SCUBE1: variants seen among roughly 807,000 people sequenced by gnomAD.
SCUBE1 encodes the protein signal peptide, CUB domain and EGF like domain containing 1, also known as signal peptide, CUB and EGF-like domain-containing protein 1.
Under a neutral mutation model 124.4 loss-of-function variants are expected in SCUBE1, and 59 were observed. That is an observed-to-expected ratio of 0.47 (90% CI 0.38 to 0.59). The LOEUF (loss-of-function observed/expected upper bound fraction) is 0.59. Ranked by LOEUF, SCUBE1 falls within the 20% of genes least tolerant of loss-of-function variation. The probability of loss-of-function intolerance (pLI) is 0.00; values close to 1 mark genes in which losing one functional copy is unlikely to be tolerated. For synonymous variants in SCUBE1, 545 were observed against 550.9 expected, an observed-to-expected ratio of 0.99 and a Z score of 0.15; for missense variants, 1,150 against 1,371.2, an observed-to-expected ratio of 0.84 and a Z score of 2.55.
chr22:43,304,824 C>T (rs1925906890), intron 3 of SCUBE1, among the ~76,000 whole-genome samples: 2 of 152,168 alleles, frequency 1.3e-5, no homozygotes, highest in Admixed American at 6.5e-5. Context: ...TCCACTCACT[C>T]CAGGTAGGGC....
Position 43,210,574 on chromosome 22 carries a change from T to C in SCUBE1, c.2384-334A>G, listed in dbSNP as rs1181285838. On this transcript the variant is annotated intron_variant, in intron 18 of 21. Transcript: ENST00000360835. The surrounding 1 kb of genome is among the most constrained non-coding windows in gnomAD (Gnocchi z 4.5). ...TGAGAGGGCCTGGAGCCCTGCTCTC[T>C]CTAGAGGCCCTGTCAGTGCCCCTGT... is the stretch of plus-strand genomic sequence containing the variant. Among the ~76,000 whole-genome samples the C allele has an allele frequency of 6.6e-6, 1 of 152,182 alleles. No individual in the cohort carries two copies. The highest frequency in any genetic ancestry group is 1.5e-5 in the Non-Finnish European group (1 of 68,008).
In SCUBE1 at chr22:43,307,487, G is replaced by C. The variant is rs151229448; in HGVS notation, c.349+12450C>G. Among the ~76,000 whole-genome samples, 4 of 152,318 alleles carry C rather than the reference G, an allele frequency of 2.6e-5. No individual in the cohort carries two copies. The South Asian group carries it at 8.3e-4, about 32-fold the overall frequency. On this transcript the variant is annotated intron_variant, in intron 3 of 21. Transcript: ENST00000360835. ...GCAGACAACGACTGCATCCTGCTGG[G>C]ACAAGGAGGACACGGAAAAGAGCTG... is the stretch of plus-strand genomic sequence containing the variant.
chr22:43,310,283 C>T (rs901034097), intron 3 of SCUBE1, among the ~76,000 whole-genome samples: 1 of 152,124 alleles, frequency 6.6e-6, no homozygotes, highest in Non-Finnish European at 1.5e-5. Flanking sequence ...TCCTCCCTCT[C>T]ACTGGGGCTT....
At chr22:43,308,615 C>A (rs988961422) in intron 3 of SCUBE1, among the ~76,000 whole-genome samples, 1 of 152,238 alleles carries the variant, frequency 6.6e-6, no homozygotes, top group Non-Finnish European at 1.5e-5. Context: ...TTTAAAAGGC[C>A]GCGATGGCGC....
Position 43,211,857 on chromosome 22 carries a change from G to A in SCUBE1, c.2221+568C>T, listed in dbSNP as rs577472046. ...TAAATGGGCAAATTCAGAACAGTTT[G>A]TATGTGCAGGGGAGTATCTGGTGAT... On this transcript the variant is annotated intron_variant, in intron 17 of 21. Coordinates refer to ENST00000360835, the MANE Select transcript of SCUBE1 (RefSeq NM_173050.5). This position sits in a 1 kb window ranked among gnomAD's most constrained non-coding sequence, Gnocchi z 4.5. 2.4e-4 allele frequency among the ~76,000 whole-genome samples: 37 copies of A among 152,228 alleles called. No individual in the cohort carries two copies. The highest frequency in any genetic ancestry group is 4.9e-4 in the Non-Finnish European group (33 of 68,008).
chr22:43,341,943 C>A (rs1927330688), intron 1 of SCUBE1, among the ~76,000 whole-genome samples: 1 of 151,916 alleles, frequency 6.6e-6, no homozygotes, highest in African/African-American at 2.4e-5. Context: ...GTGAGGGACC[C>A]CAAAGCTTGG....
At chr22:43,341,968 G>C (rs1382468770) in intron 1 of SCUBE1, among the ~76,000 whole-genome samples, 1 of 152,090 alleles carries the variant, frequency 6.6e-6, no homozygotes, top group Non-Finnish European at 1.5e-5. Context: ...GACACCCACA[G>C]ACACAAGGGG....
At position 43,255,062 on chromosome 22, in the gene SCUBE1, G is replaced by A. The variant is rs1406283730; in HGVS notation, c.727+3157C>T. Among the ~76,000 whole-genome samples, 1 of 152,212 alleles carries A rather than the reference G, an allele frequency of 6.6e-6. No individual in the cohort carries two copies. Among genetic ancestry groups the A allele is most frequent in the African/African-American group, 2.4e-5 (1 of 41,452 alleles). On this transcript the variant is annotated intron_variant, in intron 6 of 21. Coordinates refer to ENST00000360835, the MANE Select transcript of SCUBE1 (RefSeq NM_173050.5). The surrounding 1 kb of genome is among the most constrained non-coding windows in gnomAD (Gnocchi z 4.7). Reference sequence around the variant, plus strand: ...CCCGTCTACTCAAATGCCCTCTTTTGTGGCTGAGTCTCAGTGCTGCTTTGC... The same window carrying A: ...CCCGTCTACTCAAATGCCCTCTTTTATGGCTGAGTCTCAGTGCTGCTTTGC...
At chr22:43,219,862 C>T (rs35376516) in intron 14 of SCUBE1, among the ~76,000 whole-genome samples, 18,605 of 151,940 alleles carry the variant, frequency 0.12, 1,261 homozygotes, top group Non-Finnish European at 0.15. Flanking sequence ...ACCGAGAGTC[C>T]CACCTGGCAA....
At chr22:43,227,278 G>A (rs1922355099) in intron 10 of SCUBE1, 96 bp downstream of exon 10, 4 of 1,395,626 alleles carry the variant, frequency 2.9e-6, no homozygotes, top group Non-Finnish European at 3.9e-6. Flanking sequence ...GAAAGGGAGG[G>A]GCTGTCCTGC....
chr22:43,292,744 T>C (rs566872122), intron 3 of SCUBE1, among the ~76,000 whole-genome samples: 3 of 152,336 alleles, frequency 2.0e-5, no homozygotes, highest in African/African-American at 7.2e-5. Context: ...CCAGGTCCTA[T>C]TTAGACTCAT....
At position 43,218,508 on chromosome 22, in the gene SCUBE1, C is replaced by T. The variant is rs780460851; in HGVS notation, c.1688-50G>A. 14 of 1,581,504 alleles carry T rather than the reference C, an allele frequency of 8.9e-6. No homozygotes were observed. In the East Asian group the frequency reaches 9.0e-5, roughly 10 times the overall value. ...ATGAATCGCTGGCAACCTTGCTAGC[C>T]GCTGCCTTCTTAGCTGAGGGCTCCC... On this transcript the variant is annotated intron_variant, in intron 14 of 21. Transcript: ENST00000360835.
At chr22:43,212,745 A>T in intron 16 of SCUBE1, 153 bp from the exon 17 acceptor site, 1 of 724,780 alleles carries the variant, frequency 1.4e-6, no homozygotes, top group Non-Finnish European at 2.2e-6. Flanking sequence ...GGGAAAACGC[A>T]GCAGCCGGGG....
intron 19 of SCUBE1, among the ~76,000 whole-genome samples, chr22:43,209,291 C>T (rs2038251413): frequency 6.6e-6 from 1 of 152,170 alleles, no homozygotes; most frequent in South Asian, 2.1e-4. Flanking sequence ...GTCTGGGTTC[C>T]TGCTCTTCCT....
At position 43,223,226 on chromosome 22, in the gene SCUBE1, G is replaced by C. The variant is rs1205444854; in HGVS notation, c.1208-10C>G. 2 of 1,566,002 alleles carry C rather than the reference G, an allele frequency of 1.3e-6. No homozygotes were observed. The highest frequency in any genetic ancestry group is 1.4e-5 in the African/African-American group (1 of 71,704). Reference sequence around the variant, plus strand: ...AGACACTTGCCTGTCTCTATGAAGGGAGATACGAGAGAGGGCTGAGAGAGG... The same window carrying C: ...AGACACTTGCCTGTCTCTATGAAGGCAGATACGAGAGAGGGCTGAGAGAGG... On this transcript the variant is annotated splice_polypyrimidine_tract_variant and intron_variant, in intron 10 of 21. Transcript: ENST00000360835.
chr22:43,263,329 G>A (rs1046281592), intron 4 of SCUBE1, among the ~76,000 whole-genome samples: 2 of 152,302 alleles, frequency 1.3e-5, no homozygotes, highest in East Asian at 1.9e-4. Flanking sequence ...TATCTTCCTG[G>A]TGATTTGTGA....
chr22:43,219,527 A>G (rs939078223), intron 14 of SCUBE1, among the ~76,000 whole-genome samples: 12 of 149,428 alleles, frequency 8.0e-5, no homozygotes, highest in African/African-American at 3.0e-4. Context: ...AGGCTGGAGC[A>G]CAGTGGCGCG....
intron 11 of SCUBE1, 49 bp downstream of exon 11, chr22:43,223,048 G>T: frequency 6.7e-7 from 1 of 1,498,872 alleles, no homozygotes. Context: ...ACCCCAGGGA[G>T]GAAGACCCCC....
intron 3 of SCUBE1, among the ~76,000 whole-genome samples, chr22:43,311,697 G>A (rs1305055417): frequency 6.6e-6 from 1 of 152,022 alleles, no homozygotes; most frequent in Non-Finnish European, 1.5e-5. Context: ...AAAGTGCTGG[G>A]ATTACAGGCA....
Sources: allele counts gnomAD v4.1 joint callset (sites outside exome capture counted in the v4.1 genomes callset), GRCh38; gene constraint gnomAD v4.1.1; non-coding constraint Gnocchi (gnomAD v3.1); transcripts MANE v1.5; gene names NCBI Gene and HGNC (gene_info 2026-07-23, HGNC 2026-07-21).